Variants in DCAF6 observed in about 807,000 individuals in gnomAD.
DCAF6 encodes the protein DDB1 and CUL4 associated factor 6.
A neutral mutation model predicts 125.1 loss-of-function variants in DCAF6; 54 were observed. The ratio of observed to expected loss-of-function variants is 0.43; its 90% CI spans 0.35 to 0.54. The LOEUF is 0.54. Among genes scored for constraint, DCAF6 ranks in the 20% least tolerant of loss-of-function variants. The pLI, the probability that DCAF6 is intolerant of heterozygous loss-of-function variation, is 0.01. For synonymous variants in DCAF6, 371 were observed against 390.4 expected (o/e 0.95, Z 0.58); for missense variants, 934 against 1,161.7 (o/e 0.80, Z 2.85).
intron 21 of DCAF6, among the ~76,000 whole-genome samples, chr1:168,070,499 C>G (rs1031410794): frequency 1.3e-5 from 2 of 152,094 alleles, no homozygotes; most frequent in African/African-American, 4.8e-5. Context: ...GGAATAGATA[C>G]GGACAGTTTC....
At chr1:167,873,005 G>A in the DCAF6 span, among the ~76,000 whole-genome samples, 2 of 151,940 alleles carry the variant, frequency 1.3e-5, no homozygotes, top group Admixed American at 6.6e-5. Flanking sequence ...GGGACGCAGA[G>A]GTTGTAGTGA....
At chr1:168,029,973 C>G (rs1002866029) in intron 12 of DCAF6, among the ~76,000 whole-genome samples, 12 of 144,926 alleles carry the variant, frequency 8.3e-5, no homozygotes, top group Non-Finnish European at 1.7e-4. Context: ...GAGCAAGACT[C>G]CGTCTCAAAA....
At chr1:167,974,361 ATAT>A (rs1012386241) in intron 3 of DCAF6, among the ~76,000 whole-genome samples, 3 of 152,160 alleles carry the variant, frequency 2.0e-5, no homozygotes, top group Admixed American at 6.5e-5. Context: ...GGTCTTTTAA[ATAT>A]TATTAATTGG....
chr1:167,910,738 T>G, the DCAF6 span, among the ~76,000 whole-genome samples: 1 of 152,144 alleles, frequency 6.6e-6, no homozygotes, highest in African/African-American at 2.4e-5. Flanking sequence ...ATGTGCTGAG[T>G]AGCCAGAGAA....
intron 21 of DCAF6, among the ~76,000 whole-genome samples, chr1:168,070,615 G>A (rs1361164367): frequency 2.0e-5 from 3 of 152,128 alleles, no homozygotes; most frequent in Non-Finnish European, 2.9e-5. Flanking sequence ...AAAGATTCTG[G>A]TTCATTTTAG....
chr1:167,936,265 TG>T (rs1671200890), upstream of DCAF6: 1 of 211,182 alleles, frequency 4.7e-6, no homozygotes, highest in Non-Finnish European at 9.6e-6. Context: ...GAGGCCATGT[TG>T]GAGAAGGGAA....
At chr1:168,050,366 G>C (rs989808343) in intron 16 of DCAF6, among the ~76,000 whole-genome samples, 2 of 152,022 alleles carry the variant, frequency 1.3e-5, no homozygotes, top group Admixed American at 1.3e-4. Context: ...TCTCATTATT[G>C]CAGTTTACTC....
At chr1:167,935,938 C>A, upstream of DCAF6, 5 of 926,420 alleles carry the variant, frequency 5.4e-6, no homozygotes, top group Non-Finnish European at 8.5e-6. Flanking sequence ...CCTGCCACGA[C>A]GACTCGCGTC....
chr1:167,920,252 A>C, the DCAF6 span, among the ~76,000 whole-genome samples: 1 of 152,236 alleles, frequency 6.6e-6, no homozygotes, highest in Non-Finnish European at 1.5e-5. Flanking sequence ...GTGTCACAGA[A>C]AATACTCAAT....
At position 168,032,070 on chromosome 1, in the gene DCAF6, G is replaced by A. The variant is rs1687170490; in HGVS notation, c.1610-6301G>A. ...ATGTTATGTCATGAAAAAAGTTCTT[G>A]GGTTAAAATTATTATAATTGACATA... On this transcript the variant is annotated intron_variant, in intron 12 of 21. Coordinates refer to ENST00000367840, the MANE Select transcript of DCAF6 (RefSeq NM_001198956.2). 1.3e-5 allele frequency among the ~76,000 whole-genome samples: 2 copies of A among 152,142 alleles called. 1 individual carries two copies. The highest frequency in any genetic ancestry group is 4.1e-4 in the South Asian group (2 of 4,826).
At chr1:167,899,990 A>G in the DCAF6 span, among the ~76,000 whole-genome samples, 1 of 152,208 alleles carries the variant, frequency 6.6e-6, no homozygotes, top group East Asian at 1.9e-4. Context: ...TTTAGCAGAG[A>G]TTGAAGCTGT....
At chr1:167,996,966 A>C in intron 7 of DCAF6, among the ~76,000 whole-genome samples, 1 of 152,102 alleles carries the variant, frequency 6.6e-6, no homozygotes, top group East Asian at 1.9e-4. Context: ...CATAACAGTA[A>C]CTTTCTATGT....
At chr1:168,036,420 T>G (rs2101718422) in intron 12 of DCAF6, among the ~76,000 whole-genome samples, 1 of 152,158 alleles carries the variant, frequency 6.6e-6, no homozygotes, top group African/African-American at 2.4e-5. Context: ...TGTCTTTACC[T>G]TAAAAGAAAA....
chr1:167,896,100 A>G, the DCAF6 span, among the ~76,000 whole-genome samples: 2 of 152,312 alleles, frequency 1.3e-5, no homozygotes, highest in East Asian at 3.9e-4. Context: ...TGGCCTTGAC[A>G]TAAACAGTCT....
At chr1:167,988,833 C>T (rs1293391522) in intron 5 of DCAF6, among the ~76,000 whole-genome samples, 1 of 152,138 alleles carries the variant, frequency 6.6e-6, no homozygotes, top group Non-Finnish European at 1.5e-5. Flanking sequence ...CTAATCCCAG[C>T]ACTTTGGGAG....
At chr1:167,961,472 A>G (rs1304402455) in intron 2 of DCAF6, among the ~76,000 whole-genome samples, 1 of 151,768 alleles carries the variant, frequency 6.6e-6, no homozygotes, top group East Asian at 1.9e-4. Context: ...TGATCTCCTG[A>G]CCCCGTGATC....
chr1:168,048,986 G>T (rs971833430), intron 16 of DCAF6, among the ~76,000 whole-genome samples: 1 of 152,164 alleles, frequency 6.6e-6, no homozygotes, highest in African/African-American at 2.4e-5. Flanking sequence ...CAAAAATCCA[G>T]ACTTTGAAAC....
intron 15 of DCAF6, 62 bp downstream of exon 15, chr1:168,044,733 AATCT>A: frequency 1.4e-6 from 2 of 1,469,910 alleles, no homozygotes; most frequent in Non-Finnish European, 1.9e-6. Flanking sequence ...AATCTATGTT[AATCT>A]CTCTATAGTT....
chr1:167,993,009 GA>G (rs1475832358), intron 6 of DCAF6, among the ~76,000 whole-genome samples: 1 of 152,082 alleles, frequency 6.6e-6, no homozygotes, highest in Non-Finnish European at 1.5e-5. Context: ...AGACAATCAT[GA>G]ATTTTTTTGG....
Sources: gnomAD v4.1 joint callset for allele counts (sites outside exome capture counted in the v4.1 genomes callset) on GRCh38, gnomAD v4.1.1 for gene constraint, MANE v1.5 for transcripts, NCBI Gene and HGNC (gene_info 2026-07-23, HGNC 2026-07-21) for gene names.